Variants in DCAF1 observed in about 807,000 individuals in gnomAD.
DCAF1 encodes DDB1- and CUL4-associated factor 1.
A neutral mutation model predicts 128.0 loss-of-function variants in DCAF1; 15 were observed. The observed-to-expected ratio is 0.12, with a 90% CI of 0.08 to 0.18. The LOEUF (loss-of-function observed/expected upper bound fraction) is 0.18, where lower values mean the gene tolerates loss of function less well. Among genes scored for constraint, DCAF1 ranks in the 10% least tolerant of loss-of-function variants. The pLI is 1.00. For missense variants in DCAF1, 988 were observed against 1,649.5 expected (o/e 0.60, Z 6.95); for synonymous variants, 610 against 603.0 (o/e 1.01, Z -0.17).
chr3:51,426,973 A>G (rs1320645516), intron 13 of DCAF1, among the ~76,000 whole-genome samples: 2 of 152,210 alleles, frequency 1.3e-5, no homozygotes, highest in Non-Finnish European at 2.9e-5. Context: ...CCAAGAGTAA[A>G]AGGACAATTT....
chr3:51,467,682 A>T (rs1164094956), intron 4 of DCAF1, among the ~76,000 whole-genome samples: 2 of 152,146 alleles, frequency 1.3e-5, no homozygotes, highest in African/African-American at 2.4e-5. Context: ...AACATAATTT[A>T]AAAATAACAA....
At position 51,458,560 on chromosome 3, in the gene DCAF1, G is replaced by A. The variant is rs183840625; in HGVS notation, c.375+4554C>T. On this transcript the variant is annotated intron_variant, in intron 6 of 24. Coordinates refer to ENST00000684031, the MANE Select transcript of DCAF1 (RefSeq NM_001387579.1). ...AATTGAACTCAGCTCTGCATCAAGCGGACCTAACAGACATCTACAGAACTC... is the reference window on the plus strand; with the variant it reads ...AATTGAACTCAGCTCTGCATCAAGCAGACCTAACAGACATCTACAGAACTC... Among the ~76,000 whole-genome samples the A allele has an allele frequency of 1.8e-4, 28 of 152,144 alleles. No individual in the cohort carries two copies. In the East Asian group the frequency reaches 1.9e-3, roughly 10 times the overall value.
intron 24 of DCAF1, among the ~76,000 whole-genome samples, chr3:51,400,201 AT>A (rs1291801194): frequency 3.3e-5 from 5 of 152,308 alleles, no homozygotes; most frequent in African/African-American, 1.2e-4. Flanking sequence ...GCAAAGAACT[AT>A]TATCTAACAC....
In DCAF1 at chr3:51,398,561, G is replaced by A. The variant is rs2089390035; in HGVS notation, c.*208C>T. On this transcript the variant is annotated 3_prime_UTR_variant, in exon 25 of 25. Transcript: ENST00000684031. ...TGTGGGGGGTGCAGAGTAGGGCCTA[G>A]TCCCTGTTGTCATTTTTGTGGTGGT... The A allele has an allele frequency of 3.3e-6, 2 of 612,382 alleles. No homozygotes were observed. Among genetic ancestry groups the A allele is most frequent in the Admixed American group, 5.9e-5 (2 of 33,882 alleles). 37.9% of individuals were successfully genotyped at this position (612,382 alleles called of 1,614,324 possible).
chr3:51,430,812 T>C (rs1215966336), intron 10 of DCAF1, among the ~76,000 whole-genome samples: 1 of 152,174 alleles, frequency 6.6e-6, no homozygotes, highest in Non-Finnish European at 1.5e-5. Flanking sequence ...CTGATATTAT[T>C]AATAAGCAAA....
intron 20 of DCAF1, 146 bp downstream of exon 20, chr3:51,413,804 T>C: frequency 9.2e-7 from 1 of 1,084,714 alleles, no homozygotes; most frequent in East Asian, 3.1e-5. Flanking sequence ...TTGTCACCAT[T>C]CATACTATCA....
upstream of DCAF1, among the ~76,000 whole-genome samples, chr3:51,503,860 A>G (rs530531438): frequency 3.3e-5 from 5 of 152,314 alleles, no homozygotes; most frequent in East Asian, 7.7e-4. Context: ...TCAACAACTT[A>G]AGTGCCCACA....
chr3:51,428,385 T>A (rs2107519900), intron 12 of DCAF1, among the ~76,000 whole-genome samples: 1 of 140,724 alleles, frequency 7.1e-6, no homozygotes. Flanking sequence ...AGTGCAGTGA[T>A]ATGATCGTAG....
rs1700176392 is a variant in DCAF1 at position 51,429,365 on chromosome 3, G to A, written c.1573C>T (p.Arg525Cys). ...QTGKHTCMAL[R>C]KYFEAHLAIK... ...GCCAGGTGAGCCTCAAAGTATTTGCGCAAGGCCATGCAGGTATGTTTCCCA... is the reference window on the plus strand; with the variant it reads ...GCCAGGTGAGCCTCAAAGTATTTGCACAAGGCCATGCAGGTATGTTTCCCA... Residue 525 changes from arginine to cysteine, a missense_variant, in exon 12 of 25, where the codon CGC becomes TGC. This residue lies in a region of DCAF1 where 185 missense variants were observed against 248.1 expected (regional missense o/e 0.75). Coordinates refer to ENST00000684031, the MANE Select transcript of DCAF1 (RefSeq NM_001387579.1). 1.3e-6 allele frequency: 1 copy of A among 780,828 alleles called. No homozygotes were observed. Among genetic ancestry groups the A allele is most frequent in the South Asian group, 1.3e-5 (1 of 74,628 alleles). The allele number at this position is 780,828 out of a possible 1,614,324, so 48.4% of individuals were successfully genotyped here. A position where few individuals can be genotyped will look rare whatever the true frequency, so the allele number is the denominator to read the frequency against.
chr3:51,425,450 C>T (rs923330169), intron 13 of DCAF1, among the ~76,000 whole-genome samples: 2 of 150,862 alleles, frequency 1.3e-5, no homozygotes, highest in Admixed American at 6.6e-5. Flanking sequence ...CCAGCCTGGG[C>T]AACAGAGCAA....
intron 6 of DCAF1, among the ~76,000 whole-genome samples, chr3:51,457,440 G>C (rs1389294981): frequency 6.6e-6 from 1 of 152,204 alleles, no homozygotes; most frequent in East Asian, 1.9e-4. Context: ...CGTCTGATTG[G>C]TGTACCTGAA....
intron 6 of DCAF1, among the ~76,000 whole-genome samples, chr3:51,444,476 G>C (rs1289724212): frequency 6.6e-6 from 1 of 151,934 alleles, no homozygotes; most frequent in Non-Finnish European, 1.5e-5. Context: ...TCAGCCTCCT[G>C]AATACCTTGG....
At chr3:51,471,233 G>A (rs1704709058) in intron 3 of DCAF1, among the ~76,000 whole-genome samples, 1 of 149,626 alleles carries the variant, frequency 6.7e-6, no homozygotes, top group African/African-American at 2.5e-5. Context: ...GCCCAGGCTG[G>A]AGTGCAGTGG....
intron 18 of DCAF1, among the ~76,000 whole-genome samples, chr3:51,416,574 C>G (rs1048758797): frequency 6.6e-6 from 1 of 152,200 alleles, no homozygotes; most frequent in Admixed American, 6.5e-5. Flanking sequence ...ATCTGTGGTG[C>G]TAATGACATC....
At chr3:51,480,023 A>C (rs1312721179) in intron 3 of DCAF1, among the ~76,000 whole-genome samples, 1 of 151,716 alleles carries the variant, frequency 6.6e-6, no homozygotes, top group Non-Finnish European at 1.5e-5. Context: ...CCACCAAAAA[A>C]ATTAAAAAAT....
At chr3:51,475,814 T>C (rs1052522899) in intron 3 of DCAF1, among the ~76,000 whole-genome samples, 5 of 151,706 alleles carry the variant, frequency 3.3e-5, no homozygotes, top group East Asian at 2.0e-4. Flanking sequence ...TGAGCCGAGA[T>C]TGCGCCATCG....
At chr3:51,427,567 T>C (rs1700011297) in intron 12 of DCAF1, 26 bp from the exon 13 acceptor site, 2 of 599,680 alleles carry the variant, frequency 3.3e-6, no homozygotes, top group Non-Finnish European at 6.1e-6. Context: ...TATAGTATTA[T>C]TATTATATAT....
At chr3:51,403,701 C>T (rs1553625742) in intron 23 of DCAF1, among the ~76,000 whole-genome samples, 2 of 152,238 alleles carry the variant, frequency 1.3e-5, no homozygotes, top group African/African-American at 4.8e-5. Context: ...CCCAAGGGGA[C>T]TCTTCTTTCT....
intron 3 of DCAF1, among the ~76,000 whole-genome samples, chr3:51,477,268 T>C (rs1553650936): frequency 1.3e-5 from 2 of 151,322 alleles, no homozygotes; most frequent in Non-Finnish European, 2.9e-5. Context: ...ATTCATTTGC[T>C]CTTCATGGAA....
Sources: gnomAD v4.1 joint callset for allele counts (sites outside exome capture counted in the v4.1 genomes callset) on GRCh38, gnomAD v4.1.1 for gene constraint, gnomAD v4.1.1 regional missense constraint, MANE v1.5 for transcripts, NCBI Gene and HGNC (gene_info 2026-07-23, HGNC 2026-07-21) for gene names.